Variants in TIAM2 observed in about 807,000 individuals in gnomAD.
TIAM2 encodes TIAM Rac1 associated GEF 2.
TIAM2 carries 80 observed loss-of-function variants against 152.9 expected under a neutral mutation model. That is an observed-to-expected ratio of 0.52 (90% CI 0.44 to 0.63). The LOEUF (loss-of-function observed/expected upper bound fraction) is 0.63. TIAM2 is among the 30% of genes least tolerant of loss of function. TIAM2 has a pLI of 0.00. For synonymous variants in TIAM2, 804 were observed against 838.0 expected (o/e 0.96, Z 0.70); for missense variants, 1,965 against 2,120.1 (o/e 0.93, Z 1.44).
intron 14 of TIAM2, among the ~76,000 whole-genome samples, chr6:155,193,156 G>C (rs1781251290): frequency 6.6e-6 from 1 of 152,116 alleles, no homozygotes; most frequent in South Asian, 2.1e-4. Context: ...TGTAATCCCA[G>C]GATTTTGGGA....
intron 1 of TIAM2, among the ~76,000 whole-genome samples, chr6:155,030,969 T>A (rs1486908524): frequency 6.6e-6 from 1 of 152,234 alleles, no homozygotes; most frequent in Non-Finnish European, 1.5e-5. Flanking sequence ...AATTTGAGAA[T>A]GCGTTCATAG....
chr6:155,006,571 TG>T (rs1176182332), intron 1 of TIAM2, among the ~76,000 whole-genome samples: 1 of 148,620 alleles, frequency 6.7e-6, no homozygotes, highest in African/African-American at 2.5e-5. Flanking sequence ...GAGGCTGAGG[TG>T]GGAGAATCTC....
rs74841494 is a variant in TIAM2, at chr6:155,022,020, A to G, written c.-209+26528A>G. Among the ~76,000 whole-genome samples the G allele has an allele frequency of 3.6e-3, 541 of 152,250 alleles. 11 individuals are homozygous for G. The highest frequency in any genetic ancestry group is 8.9e-3 in the East Asian group (46 of 5,190). ...AGTTTACCTCTCAGTTTAATTGCCAACTAGTAGCATCTGCAGCTTCGTACT... is the reference window on the plus strand; with the variant it reads ...AGTTTACCTCTCAGTTTAATTGCCAGCTAGTAGCATCTGCAGCTTCGTACT... On this transcript the variant is annotated intron_variant, in intron 1 of 26. Coordinates refer to ENST00000682666, the MANE Select transcript of TIAM2 (RefSeq NM_012454.4).
At chr6:155,177,953 A>C (rs1780794009) in intron 10 of TIAM2, among the ~76,000 whole-genome samples, 1 of 152,062 alleles carries the variant, frequency 6.6e-6, no homozygotes, top group Non-Finnish European at 1.5e-5. Flanking sequence ...GGAGGTCAGG[A>C]GATCGAGACC....
intron 2 of TIAM2, among the ~76,000 whole-genome samples, chr6:155,116,719 G>A (rs899962230): frequency 3.3e-5 from 5 of 152,206 alleles, no homozygotes; most frequent in South Asian, 2.1e-4. Context: ...AGATTCCAGC[G>A]CATGATGCTG....
chr6:155,112,768 G>A (rs1356325931), intron 2 of TIAM2, among the ~76,000 whole-genome samples: 1 of 152,146 alleles, frequency 6.6e-6, no homozygotes, highest in Non-Finnish European at 1.5e-5. Context: ...TAATGGAACA[G>A]TGTGGAATCA....
At chr6:155,190,595 T>G (rs748415255) in intron 14 of TIAM2, among the ~76,000 whole-genome samples, 1 of 152,268 alleles carries the variant, frequency 6.6e-6, no homozygotes, top group Non-Finnish European at 1.5e-5. Flanking sequence ...AAATCAGTCT[T>G]GGCTTTTCTC....
intron 2 of TIAM2, among the ~76,000 whole-genome samples, chr6:155,096,100 T>C (rs1357975073): frequency 6.6e-6 from 1 of 152,234 alleles, no homozygotes; most frequent in African/African-American, 2.4e-5. Flanking sequence ...TTTTATTTAA[T>C]TTCAAAACTT....
At position 155,182,269 on chromosome 6, in the gene TIAM2, C is replaced by T; in HGVS notation, c.2751C>T (p.Ser917=). The T allele has an allele frequency of 6.2e-7, 1 of 1,614,148 alleles. No homozygotes were observed. Among genetic ancestry groups the T allele is most frequent in the Non-Finnish European group, 8.5e-7 (1 of 1,180,020 alleles). ...TAQVDERQHL[S]RIFISDVLPD... is the part of the protein sequence containing the mutation. ...AGGTGGATGAGCGTCAGCATCTCAGCCGGATATTTATAAGCGACGTTCTTC... is the reference window on the plus strand; with the variant it reads ...AGGTGGATGAGCGTCAGCATCTCAGTCGGATATTTATAAGCGACGTTCTTC... Residue 917 remains serine, a synonymous_variant, in exon 13 of 27, where the codon AGC becomes AGT. Coordinates refer to ENST00000682666, the MANE Select transcript of TIAM2 (RefSeq NM_012454.4).
chr6:155,071,242 T>A (rs1186153211), intron 1 of TIAM2, among the ~76,000 whole-genome samples: 2 of 152,184 alleles, frequency 1.3e-5, no homozygotes, highest in African/African-American at 4.8e-5. Flanking sequence ...AATGGTTATG[T>A]GTTGGCTTTC....
At chr6:155,197,699 A>G (rs1198623464) in intron 14 of TIAM2, among the ~76,000 whole-genome samples, 1 of 152,088 alleles carries the variant, frequency 6.6e-6, no homozygotes, top group Non-Finnish European at 1.5e-5. Context: ...GTCCTTCTTC[A>G]CATGGCGGCG....
At chr6:155,029,878 C>T (rs921934384) in intron 1 of TIAM2, among the ~76,000 whole-genome samples, 6 of 151,384 alleles carry the variant, frequency 4.0e-5, no homozygotes, top group Non-Finnish European at 5.9e-5. Context: ...CTGCAACCTC[C>T]GCCTCCCAGA....
chr6:155,241,462 C>A (rs886937131), intron 16 of TIAM2, among the ~76,000 whole-genome samples: 2 of 152,116 alleles, frequency 1.3e-5, no homozygotes, highest in African/African-American at 4.8e-5. Flanking sequence ...GGTGGATGGC[C>A]CCCTTCAACT....
intron 1 of TIAM2, among the ~76,000 whole-genome samples, chr6:155,007,358 A>G (rs1379143016): frequency 2.0e-5 from 3 of 151,378 alleles, no homozygotes; most frequent in Admixed American, 2.0e-4. Context: ...ATGGTTTGAC[A>G]GGAACCATTT....
chr6:155,097,469 G>A (rs1185575640), intron 2 of TIAM2, among the ~76,000 whole-genome samples: 1 of 152,160 alleles, frequency 6.6e-6, no homozygotes, highest in Non-Finnish European at 1.5e-5. Context: ...AGTCTCCTGA[G>A]TAGCTGGGAA....
intron 1 of TIAM2, among the ~76,000 whole-genome samples, chr6:155,000,941 G>A (rs550521159): frequency 2.6e-5 from 4 of 152,228 alleles, no homozygotes; most frequent in Non-Finnish European, 5.9e-5. Context: ...CCAGGATTGC[G>A]TCACTGCACT....
intron 2 of TIAM2, among the ~76,000 whole-genome samples, chr6:155,105,637 C>G (rs2114999309): frequency 6.7e-6 from 1 of 148,958 alleles, no homozygotes; most frequent in African/African-American, 2.5e-5. Context: ...TAATTTTTTT[C>G]TGGTAGAGAC....
At chr6:155,103,392 G>A (rs1012898776) in intron 2 of TIAM2, among the ~76,000 whole-genome samples, 1 of 152,106 alleles carries the variant, frequency 6.6e-6, no homozygotes, top group Non-Finnish European at 1.5e-5. Flanking sequence ...CATATAAAAT[G>A]TATCAAAAGG....
intron 9 of TIAM2, among the ~76,000 whole-genome samples, chr6:155,172,674 ATATATATATATATTTTTTTTTTT>A (rs1176376386): frequency 3.8e-4 from 5 of 13,258 alleles, no homozygotes; most frequent in East Asian, 4.8e-3. Context: ...ATATATATAT[ATATATATATATATTTTTTTTTTT>A]TTTTTTTTTT....
Sources: gnomAD v4.1 joint callset for allele counts (sites outside exome capture counted in the v4.1 genomes callset) on GRCh38, gnomAD v4.1.1 for gene constraint, MANE v1.5 for transcripts, NCBI Gene and HGNC (gene_info 2026-07-23, HGNC 2026-07-21) for gene names.